RFC3: variants seen among roughly 807,000 people sequenced by gnomAD.
The protein encoded by RFC3 is replication factor C subunit 3.
Under a neutral mutation model 45.1 loss-of-function variants are expected in RFC3, and 41 were observed. The ratio of observed to expected loss-of-function variants is 0.91; its 90% CI spans 0.71 to 1.18. The LOEUF is 1.18. RFC3 is among the 50% of genes most tolerant of loss of function. The pLI, the probability that RFC3 is intolerant of heterozygous loss-of-function variation, is 0.00. For missense variants in RFC3, 423 were observed against 428.1 expected (o/e 0.99, Z 0.10); for synonymous variants, 149 against 144.0 (o/e 1.03, Z -0.25).
At chr13:33,932,078 A>G (rs745616404) in intron 8 of RFC3, among the ~76,000 whole-genome samples, 45 of 152,140 alleles carry the variant, frequency 3.0e-4, no homozygotes, top group Admixed American at 1.1e-3. Flanking sequence ...CAAGCACTGC[A>G]GAGATATCAG....
intron 8 of RFC3, among the ~76,000 whole-genome samples, chr13:33,960,547 A>G (rs2083050311): frequency 6.6e-6 from 1 of 152,216 alleles, no homozygotes; most frequent in South Asian, 2.1e-4. Flanking sequence ...CTCCACCTAC[A>G]AGGACTGGGC....
At chr13:33,907,435 A>T (rs2082678488) in intron 8 of RFC3, among the ~76,000 whole-genome samples, 3 of 152,100 alleles carry the variant, frequency 2.0e-5, no homozygotes, top group Admixed American at 2.0e-4. Context: ...AGACAAATAA[A>T]ATAAATGAAA....
chr13:33,875,618 C>G (rs1329695451), intron 8 of RFC3, among the ~76,000 whole-genome samples: 1 of 152,206 alleles, frequency 6.6e-6, no homozygotes, highest in African/African-American at 2.4e-5. Context: ...CTCTTTCACT[C>G]ACTTGCCTAC....
rs964635205 is a variant in RFC3 at position 33,870,759 on chromosome 13, T to C, written c.879+35542T>C. 2.6e-5 allele frequency among the ~76,000 whole-genome samples: 4 copies of C among 152,320 alleles called. No individual in the cohort carries two copies. In the East Asian group the frequency reaches 7.7e-4, roughly 29 times the overall value. ...TTTTGTTTGTTTGTTCTGTTTTGTT[T>C]TGTTTTTCCAAAAAAATCTTGTATA... On this transcript the variant is annotated intron_variant, in intron 8 of 8. Coordinates refer to the RFC3 transcript ENST00000434425.
At chr13:33,845,191 G>T (rs888981300) in intron 8 of RFC3, among the ~76,000 whole-genome samples, 1 of 152,110 alleles carries the variant, frequency 6.6e-6, no homozygotes, top group African/African-American at 2.4e-5. Context: ...CTTTTCTGTT[G>T]CTGCTTTTAG....
At chr13:33,917,330 G>T (rs149872088) in intron 8 of RFC3, among the ~76,000 whole-genome samples, 1 of 152,250 alleles carries the variant, frequency 6.6e-6, no homozygotes, top group Non-Finnish European at 1.5e-5. Context: ...TTAGCTTCCA[G>T]AAAGATAATC....
chr13:33,872,051 A>G (rs1023045225), intron 8 of RFC3, among the ~76,000 whole-genome samples: 1 of 151,770 alleles, frequency 6.6e-6, no homozygotes, highest in Non-Finnish European at 1.5e-5. Context: ...TGTTTCTTCA[A>G]TTTTTTTTCT....
chr13:33,924,356 G>T (rs1463819288), intron 8 of RFC3, among the ~76,000 whole-genome samples: 1 of 151,898 alleles, frequency 6.6e-6, no homozygotes, highest in Non-Finnish European at 1.5e-5. Flanking sequence ...CTTGATCAGG[G>T]TTGGCAAACT....
At chr13:33,825,937 T>G in intron 4 of RFC3, 51 bp downstream of exon 4, 1 of 1,166,922 alleles carries the variant, frequency 8.6e-7, no homozygotes, top group Non-Finnish European at 1.2e-6. Flanking sequence ...ATTAGTGCTC[T>G]CTCTTTTTTT....
At chr13:33,877,639 A>G (rs912752385) in intron 8 of RFC3, among the ~76,000 whole-genome samples, 14 of 151,140 alleles carry the variant, frequency 9.3e-5, no homozygotes, top group Admixed American at 2.6e-4. Context: ...ATGTTATTAC[A>G]TAGTAGTTTA....
At chr13:33,948,547 A>G (rs2082968872) in intron 8 of RFC3, among the ~76,000 whole-genome samples, 1 of 152,186 alleles carries the variant, frequency 6.6e-6, no homozygotes, top group Admixed American at 6.5e-5. Flanking sequence ...CAGACCCCAG[A>G]ATTATCAATC....
At chr13:33,875,358 G>A (rs2082439325) in intron 8 of RFC3, among the ~76,000 whole-genome samples, 1 of 152,180 alleles carries the variant, frequency 6.6e-6, no homozygotes, top group Non-Finnish European at 1.5e-5. Context: ...GAAACAATAT[G>A]TAAGCTGAGA....
In RFC3 at chr13:33,895,619, G is replaced by T. The variant is rs1212625600; in HGVS notation, c.879+60402G>T. On this transcript the variant is annotated intron_variant, in intron 8 of 8. Coordinates refer to the RFC3 transcript ENST00000434425. ...TCTGGATATTTCTCTATTTCTAAAA[G>T]TAGATCTACCATTTGATCCAGGAAT... Among the ~76,000 whole-genome samples the T allele has an allele frequency of 3.3e-5, 5 of 152,078 alleles. No homozygotes were observed. In the East Asian group the frequency reaches 9.6e-4, roughly 29 times the overall value.
At chr13:33,896,374 T>C (rs2082598688) in intron 8 of RFC3, among the ~76,000 whole-genome samples, 1 of 151,868 alleles carries the variant, frequency 6.6e-6, no homozygotes. Flanking sequence ...GGGCATATAA[T>C]AGTTAAACTC....
chr13:33,842,474 C>G (rs1281038233), downstream of RFC3, among the ~76,000 whole-genome samples: 1 of 152,142 alleles, frequency 6.6e-6, no homozygotes, highest in Non-Finnish European at 1.5e-5. Context: ...CCAAAGATAA[C>G]AAGGCAACTC....
intron 8 of RFC3, among the ~76,000 whole-genome samples, chr13:33,923,931 G>A (rs1431445741): frequency 6.6e-6 from 1 of 152,088 alleles, no homozygotes; most frequent in Non-Finnish European, 1.5e-5. Flanking sequence ...TTTCCTTCGG[G>A]TTAGAGCTGG....
chr13:33,920,420 CTTTTTTTTTT>C (rs777079510), intron 8 of RFC3, among the ~76,000 whole-genome samples: 68 of 83,182 alleles, frequency 8.2e-4, no homozygotes, highest in African/African-American at 3.1e-3. Flanking sequence ...TACAACCACA[CTTTTTTTTTT>C]TTTTTTTTTT....
chr13:33,951,225 A>AT (rs1256203860), intron 8 of RFC3, among the ~76,000 whole-genome samples: 1 of 149,242 alleles, frequency 6.7e-6, no homozygotes, highest in Non-Finnish European at 1.5e-5. Flanking sequence ...TGGGTATACT[A>AT]TAAGTACATT....
chr13:33,831,504 A>G (rs1197294709), intron 7 of RFC3, 150 bp downstream of exon 7: 1 of 472,046 alleles, frequency 2.1e-6, no homozygotes, highest in East Asian at 4.4e-5. Flanking sequence ...ATTTAACTTC[A>G]GAAATTTAGT....
Sources: gnomAD v4.1 joint callset for allele counts (sites outside exome capture counted in the v4.1 genomes callset) on GRCh38, gnomAD v4.1.1 for gene constraint, MANE v1.5 for transcripts, NCBI Gene and HGNC (gene_info 2026-07-23, HGNC 2026-07-21) for gene names.